The following ETNK1 variants were observed in gnomAD, a reference collection of about 807,000 sequenced individuals.
ETNK1 encodes ethanolamine kinase 1.
ETNK1 carries 8 observed loss-of-function variants against 45.1 expected under a neutral mutation model. The observed-to-expected ratio is 0.18, with a 90% CI of 0.10 to 0.32. ETNK1 has a LOEUF of 0.32. Among genes scored for constraint, ETNK1 ranks in the 10% least tolerant of loss-of-function variants. The pLI, the probability that ETNK1 is intolerant of heterozygous loss-of-function variation, is 1.00. For missense variants in ETNK1, 302 were observed against 430.6 expected (o/e 0.70, Z 2.64); for synonymous variants, 152 against 151.9 (o/e 1.00, Z -0.01).
intron 1 of ETNK1, chr12:22,626,346 T>G (rs971703227): frequency 5.2e-5 from 8 of 152,756 alleles, no homozygotes; most frequent in African/African-American, 9.6e-5. Flanking sequence ...TGATTTTTTT[T>G]GAATACTAAT....
intron 1 of ETNK1, among the ~76,000 whole-genome samples, chr12:22,634,943 G>A (rs905778160): frequency 5.3e-5 from 8 of 152,244 alleles, no homozygotes; most frequent in African/African-American, 1.9e-4. Flanking sequence ...TTTGAAGGTT[G>A]ATTGGCTGTT....
At chr12:22,635,758 G>A (rs1358859044) in intron 1 of ETNK1, among the ~76,000 whole-genome samples, 6 of 152,076 alleles carry the variant, frequency 3.9e-5, no homozygotes, top group African/African-American at 9.7e-5. Flanking sequence ...TATTTGGTGT[G>A]TGTGTTATTG....
chr12:22,629,229 A>T (rs1203985065), intron 1 of ETNK1, among the ~76,000 whole-genome samples: 1 of 152,192 alleles, frequency 6.6e-6, no homozygotes. Flanking sequence ...TAAGAAAATT[A>T]TAACAACGTA....
At chr12:22,625,940 C>G in intron 1 of ETNK1, 2 of 536,720 alleles carry the variant, frequency 3.7e-6, no homozygotes, top group Middle Eastern at 2.9e-4. Context: ...ACGGGGTCCT[C>G]GTCTACCTCC....
intron 2 of ETNK1, among the ~76,000 whole-genome samples, chr12:22,647,510 C>G (rs1274652971): frequency 3.3e-5 from 5 of 151,764 alleles, no homozygotes; most frequent in Non-Finnish European, 7.4e-5. Flanking sequence ...TACCTCAACA[C>G]AAAGGAGAAT....
At chr12:22,639,809 C>T (rs1330084363) in intron 1 of ETNK1, among the ~76,000 whole-genome samples, 1 of 152,170 alleles carries the variant, frequency 6.6e-6, no homozygotes, top group African/African-American at 2.4e-5. Context: ...CAGATGACTC[C>T]TACCATTATA....
intron 1 of ETNK1, among the ~76,000 whole-genome samples, chr12:22,637,862 CGA>C (rs142902265): frequency 1.3e-5 from 2 of 150,792 alleles, no homozygotes; most frequent in African/African-American, 4.9e-5. Context: ...AGTGACAGAG[CGA>C]GAGAGAGAGA....
intron 2 of ETNK1, among the ~76,000 whole-genome samples, chr12:22,655,401 A>G (rs1456589355): frequency 7.1e-6 from 1 of 140,756 alleles, no homozygotes; most frequent in Non-Finnish European, 1.5e-5. Flanking sequence ...CAGTGGCATG[A>G]TATCAGCTCA....
chr12:22,644,308 G>C (rs775080791), intron 2 of ETNK1: 4 of 1,594,056 alleles, frequency 2.5e-6, no homozygotes, highest in Non-Finnish European at 3.4e-6. Context: ...TTTCTAGTTA[G>C]TGTTTGAGTT....
chr12:22,663,243 G>GTC (rs1176771255), intron 4 of ETNK1, among the ~76,000 whole-genome samples: 16 of 152,152 alleles, frequency 1.1e-4, no homozygotes, highest in Admixed American at 9.8e-4. Flanking sequence ...CATTAAAGCA[G>GTC]TGTATGAGCT....
At chr12:22,664,268 TATAAC>T (rs1954034128) in intron 4 of ETNK1, among the ~76,000 whole-genome samples, 1 of 152,160 alleles carries the variant, frequency 6.6e-6, no homozygotes, top group East Asian at 1.9e-4. Context: ...ATGCATATAA[TATAAC>T]TAGTAGGTAT....
intron 1 of ETNK1, among the ~76,000 whole-genome samples, chr12:22,641,479 A>G (rs1010454799): frequency 2.0e-5 from 3 of 152,138 alleles, no homozygotes; most frequent in Non-Finnish European, 4.4e-5. Context: ...TTCTTGACCC[A>G]TTATGATCAC....
At chr12:22,657,407 T>C (rs890787269) in intron 2 of ETNK1, among the ~76,000 whole-genome samples, 10 of 152,194 alleles carry the variant, frequency 6.6e-5, no homozygotes, top group Non-Finnish European at 1.2e-4. Flanking sequence ...AAAGAATTTA[T>C]TGGTACTTGT....
rs1320053606 is a variant in ETNK1 at position 22,625,244 on chromosome 12, C to G, written c.-187C>G. The G allele has an allele frequency of 1.1e-5, 17 of 1,611,938 alleles. No homozygotes were observed. Among genetic ancestry groups the G allele is most frequent in the Non-Finnish European group, 1.4e-5 (17 of 1,179,608 alleles). On this transcript the variant is annotated 5_prime_UTR_variant, in exon 1 of 8. Coordinates refer to ENST00000266517, the MANE Select transcript of ETNK1 (RefSeq NM_018638.5). ...GGGCCGGGCTCAGTTCAGCTGCTGT[C>G]CAGACCCGGATCGGCAACAGTGCCG...
intron 4 of ETNK1, among the ~76,000 whole-genome samples, chr12:22,665,235 C>T (rs1464217888): frequency 6.6e-6 from 1 of 152,102 alleles, no homozygotes; most frequent in Non-Finnish European, 1.5e-5. Flanking sequence ...TGACAGTTTA[C>T]ATCAGAATCA....
At chr12:22,679,712 T>G (rs1016156800) in intron 6 of ETNK1, among the ~76,000 whole-genome samples, 30 of 151,156 alleles carry the variant, frequency 2.0e-4, no homozygotes, top group Non-Finnish European at 3.4e-4. Context: ...GTTTTTTTTT[T>G]TTTTTTGATA....
At chr12:22,666,861 A>G (rs1429581737) in intron 4 of ETNK1, among the ~76,000 whole-genome samples, 1 of 152,172 alleles carries the variant, frequency 6.6e-6, no homozygotes, top group Admixed American at 6.5e-5. Flanking sequence ...GTTTGGCTCT[A>G]AATCTTATCC....
chr12:22,680,522 A>G (rs1300480174), intron 6 of ETNK1, among the ~76,000 whole-genome samples: 2 of 152,108 alleles, frequency 1.3e-5, no homozygotes, highest in African/African-American at 4.8e-5. Context: ...ATACTCCATG[A>G]TGTTGCATGT....
chr12:22,650,403 T>TA (rs1355914478), intron 2 of ETNK1, among the ~76,000 whole-genome samples: 1 of 152,072 alleles, frequency 6.6e-6, no homozygotes, highest in Non-Finnish European at 1.5e-5. Context: ...AGTAGGATGT[T>TA]AGCTGTAGTT....
Sources: gnomAD v4.1 joint callset for allele counts (sites outside exome capture counted in the v4.1 genomes callset) on GRCh38, gnomAD v4.1.1 for gene constraint, MANE v1.5 for transcripts, NCBI Gene and HGNC (gene_info 2026-07-23, HGNC 2026-07-21) for gene names.